The following TSPAN9 variants were observed in gnomAD, a reference collection of about 807,000 sequenced individuals.
TSPAN9 encodes tetraspanin-9.
A neutral mutation model predicts 31.0 loss-of-function variants in TSPAN9; 16 were observed. The observed-to-expected ratio is 0.52, with a 90% CI of 0.35 to 0.78. The LOEUF (loss-of-function observed/expected upper bound fraction) is 0.78. Among genes scored for constraint, TSPAN9 ranks in the 30% least tolerant of loss-of-function variants. TSPAN9 has a pLI of 0.01. For missense variants in TSPAN9, 272 were observed against 312.5 expected, an observed-to-expected ratio of 0.87 and a Z score of 0.98; for synonymous variants, 145 against 121.6, an observed-to-expected ratio of 1.19 and a Z score of -1.27.
intron 2 of TSPAN9, among the ~76,000 whole-genome samples, chr12:3,155,550 GA>G (rs1277808661): frequency 2.0e-5 from 3 of 151,824 alleles, no homozygotes; most frequent in Non-Finnish European, 4.4e-5. Context: ...AGTGAACCAT[GA>G]TTATGCCACT....
chr12:3,157,063 AG>A (rs2098342607), intron 2 of TSPAN9, among the ~76,000 whole-genome samples: 1 of 151,664 alleles, frequency 6.6e-6, no homozygotes, highest in Non-Finnish European at 1.5e-5. Context: ...AGGGCAGAGC[AG>A]GTTTTATTAT....
rs2098364924 is a variant in TSPAN9, at chr12:3,192,475, G to T, written c.-17-8702G>T. Among the ~76,000 whole-genome samples the T allele has an allele frequency of 6.6e-6, 1 of 152,170 alleles. No individual in the cohort carries two copies. The highest frequency in any genetic ancestry group is 2.4e-5 in the African/African-American group (1 of 41,438). On this transcript the variant is annotated intron_variant, in intron 2 of 8. Coordinates refer to ENST00000011898, the MANE Select transcript of TSPAN9 (RefSeq NM_006675.5). This position sits in a 1 kb window ranked among gnomAD's most constrained non-coding sequence, Gnocchi z 4.6. ...TGTTTGCTTCGAGGTGGGAGCAAGTGACAACCGGGAGCCAAGGATGAGTCT... is the reference window on the plus strand; with the variant it reads ...TGTTTGCTTCGAGGTGGGAGCAAGTTACAACCGGGAGCCAAGGATGAGTCT...
At chr12:3,105,725 T>C (rs56212183) in intron 2 of TSPAN9, among the ~76,000 whole-genome samples, 5,853 of 147,716 alleles carry the variant, frequency 0.04, 393 homozygotes, top group African/African-American at 0.13. Context: ...CTGCTTTGTG[T>C]GCACGCGCGT....
intron 2 of TSPAN9, among the ~76,000 whole-genome samples, chr12:3,104,742 T>C (rs980003861): frequency 6.6e-6 from 1 of 152,132 alleles, no homozygotes; most frequent in African/African-American, 2.4e-5. Flanking sequence ...CCCAGCAACT[T>C]TACTCCAATT....
In TSPAN9 at chr12:3,166,986, G is replaced by A. The variant is rs188043013; in HGVS notation, c.-17-34191G>A. Among the ~76,000 whole-genome samples the A allele has an allele frequency of 2.4e-3, 369 of 151,338 alleles. 2 individuals are homozygous for A. The highest frequency in any genetic ancestry group is 8.0e-3 in the African/African-American group (329 of 41,078). ...TAATTTTTGTATTTTTAGTAGAGACGGGGTTTCACCATGTTGGCCAGGCTG... is the reference window on the plus strand; with the variant it reads ...TAATTTTTGTATTTTTAGTAGAGACAGGGTTTCACCATGTTGGCCAGGCTG... On this transcript the variant is annotated intron_variant, in intron 2 of 8. Coordinates refer to ENST00000011898, the MANE Select transcript of TSPAN9 (RefSeq NM_006675.5).
chr12:3,122,410 G>A (rs1342316793), intron 2 of TSPAN9, among the ~76,000 whole-genome samples: 1 of 151,944 alleles, frequency 6.6e-6, no homozygotes, highest in Non-Finnish European at 1.5e-5. Flanking sequence ...GATCGGCTGA[G>A]TAGCTAGGAC....
intron 3 of TSPAN9, among the ~76,000 whole-genome samples, chr12:3,249,604 C>T (rs934021426): frequency 1.3e-5 from 2 of 152,216 alleles, no homozygotes; most frequent in Non-Finnish European, 2.9e-5. Context: ...CTGACTTGTC[C>T]ACAAGGTCGG....
intron 3 of TSPAN9, among the ~76,000 whole-genome samples, chr12:3,269,109 C>T (rs868638391): frequency 2.1e-3 from 61 of 29,478 alleles, no homozygotes; most frequent in South Asian, 2.4e-3. Flanking sequence ...GCCTGCCCTC[C>T]CTGTGTTCCT....
At chr12:3,220,208 TG>T (rs1256172996) in intron 3 of TSPAN9, among the ~76,000 whole-genome samples, 4 of 151,950 alleles carry the variant, frequency 2.6e-5, no homozygotes, top group Admixed American at 1.3e-4. Context: ...AGTAGTTACC[TG>T]TAACAGCTAC....
chr12:3,204,428 G>T (rs2153973337), intron 3 of TSPAN9, among the ~76,000 whole-genome samples: 1 of 152,300 alleles, frequency 6.6e-6, no homozygotes, highest in East Asian at 1.9e-4. Context: ...ACTGGGGGTA[G>T]GTTGGCAGGT....
At chr12:3,105,807 C>T (rs1344526824) in intron 2 of TSPAN9, among the ~76,000 whole-genome samples, 1 of 124,104 alleles carries the variant, frequency 8.1e-6, no homozygotes, top group Non-Finnish European at 2.0e-5. Context: ...CACACATGCG[C>T]ACACACGCAC....
intron 3 of TSPAN9, among the ~76,000 whole-genome samples, chr12:3,223,913 C>T (rs557088246): frequency 6.6e-6 from 1 of 152,198 alleles, no homozygotes; most frequent in East Asian, 1.9e-4. Flanking sequence ...ATGCTGGGTT[C>T]CATCTCCTGA....
intron 2 of TSPAN9, among the ~76,000 whole-genome samples, chr12:3,156,630 C>T (rs1045216529): frequency 6.6e-6 from 1 of 152,084 alleles, no homozygotes; most frequent in African/African-American, 2.4e-5. Context: ...GCCTCAGCCT[C>T]CCGAGCGGCT....
chr12:3,098,776 A>T (rs1591627188), intron 2 of TSPAN9, among the ~76,000 whole-genome samples: 1 of 130,802 alleles, frequency 7.6e-6, no homozygotes, highest in African/African-American at 3.0e-5. Flanking sequence ...TTTGGGATGG[A>T]GTCTCACTCT....
intron 2 of TSPAN9, among the ~76,000 whole-genome samples, chr12:3,119,807 T>C (rs10735017): frequency 0.2 from 29,813 of 152,098 alleles, 3,053 homozygotes; most frequent in East Asian, 0.33. Context: ...GTGTTGGCTC[T>C]TCCCAGGTGA....
At chr12:3,262,816 A>C (rs1862475480) in intron 3 of TSPAN9, among the ~76,000 whole-genome samples, 1 of 152,018 alleles carries the variant, frequency 6.6e-6, no homozygotes, top group South Asian at 2.1e-4. Context: ...ATTTAATGGC[A>C]TTGTGGCCTG....
intron 3 of TSPAN9, among the ~76,000 whole-genome samples, chr12:3,249,415 C>G (rs1862204555): frequency 6.6e-6 from 1 of 152,214 alleles, no homozygotes; most frequent in Non-Finnish European, 1.5e-5. Context: ...AGCCCTCCCC[C>G]TTTTCCTTAA....
intron 3 of TSPAN9, among the ~76,000 whole-genome samples, chr12:3,217,242 GGGGCTGAGGTGT>G (rs1328461666): frequency 1.3e-5 from 2 of 152,212 alleles, no homozygotes. Flanking sequence ...TTGGATGCCA[GGGGCTGAGGTGT>G]AGCATCCTGG....
At chr12:3,140,617 A>T (rs2098334363) in intron 2 of TSPAN9, among the ~76,000 whole-genome samples, 1 of 152,118 alleles carries the variant, frequency 6.6e-6, no homozygotes, top group Non-Finnish European at 1.5e-5. Flanking sequence ...GGGTTCGATG[A>T]TGAATGCCCA....
Sources: gnomAD v4.1 joint callset for allele counts (sites outside exome capture counted in the v4.1 genomes callset) on GRCh38, gnomAD v4.1.1 for gene constraint, Gnocchi (gnomAD v3.1) non-coding constraint, MANE v1.5 for transcripts, NCBI Gene and HGNC (gene_info 2026-07-23, HGNC 2026-07-21) for gene names.